Variants in CSMD1 observed in about 807,000 individuals in gnomAD.
The protein encoded by CSMD1 is CUB and Sushi multiple domains 1, also known as CUB and sushi domain-containing protein 1.
CSMD1 carries 213 observed loss-of-function variants against 417.5 expected under a neutral mutation model. The observed-to-expected ratio is 0.51, with a 90% CI of 0.46 to 0.57. CSMD1 has a LOEUF of 0.57. Ranked by LOEUF, CSMD1 falls within the 20% of genes least tolerant of loss-of-function variation. The pLI is 0.00. For missense variants in CSMD1, 6,923 were observed against 4,529.7 expected (o/e 1.53, Z -15.17); for synonymous variants, 2,862 against 1,736.8 (o/e 1.65, Z -16.11).
At chr8:3,313,203 G>C (rs1429158077) in intron 23 of CSMD1, among the ~76,000 whole-genome samples, 1 of 152,136 alleles carries the variant, frequency 6.6e-6, no homozygotes, top group African/African-American at 2.4e-5. Context: ...CAGGACATAG[G>C]CATGGGCAAA....
chr8:3,808,130 C>T (rs1248617122), intron 5 of CSMD1, among the ~76,000 whole-genome samples: 1 of 152,100 alleles, frequency 6.6e-6, no homozygotes, highest in Non-Finnish European at 1.5e-5. Flanking sequence ...AGGAATGCAT[C>T]TCTGTGAAAT....
intron 18 of CSMD1, among the ~76,000 whole-genome samples, chr8:3,370,773 C>T (rs1454551552): frequency 1.3e-5 from 2 of 152,078 alleles, no homozygotes; most frequent in Non-Finnish European, 2.9e-5. Context: ...TCAGGAGTTC[C>T]AGACCAGCCT....
chr8:3,678,350 A>G (rs992189527), intron 7 of CSMD1, among the ~76,000 whole-genome samples: 1 of 152,236 alleles, frequency 6.6e-6, no homozygotes, highest in Non-Finnish European at 1.5e-5. Context: ...AAAGGACCTG[A>G]TGGAGCTGAA....
At chr8:4,380,575 A>G (rs530949290) in intron 3 of CSMD1, among the ~76,000 whole-genome samples, 1 of 152,306 alleles carries the variant, frequency 6.6e-6, no homozygotes, top group African/African-American at 2.4e-5. Context: ...GGACCCGTGG[A>G]TGGAATGAGA....
intron 2 of CSMD1, among the ~76,000 whole-genome samples, chr8:4,536,467 T>A (rs944970941): frequency 1.3e-5 from 2 of 152,140 alleles, no homozygotes; most frequent in Non-Finnish European, 2.9e-5. Context: ...CCTAGGTGCA[T>A]CCTTCTTGTA....
rs151309958 is a variant in CSMD1, at chr8:4,200,661, C to T, written c.416-168562G>A. 1.5e-3 allele frequency among the ~76,000 whole-genome samples: 226 copies of T among 152,130 alleles called. 1 individual carries two copies. The highest frequency in any genetic ancestry group is 5.3e-3 in the African/African-American group (218 of 41,498). Reference sequence around the variant, plus strand: ...TCTTGAGACTAAGAGTTCAAGACCACCCTGGGCAAGGTAGGAAGACCGCAC... The same window carrying T: ...TCTTGAGACTAAGAGTTCAAGACCATCCTGGGCAAGGTAGGAAGACCGCAC... On this transcript the variant is annotated intron_variant, in intron 3 of 69. Transcript: ENST00000635120.
chr8:4,904,143 G>T (rs1044688742), intron 1 of CSMD1, among the ~76,000 whole-genome samples: 2 of 152,146 alleles, frequency 1.3e-5, no homozygotes, highest in Non-Finnish European at 2.9e-5. Context: ...GGAGTCAGAG[G>T]AAGTCAGGGC....
chr8:3,548,357 C>A (rs542084504), intron 10 of CSMD1, among the ~76,000 whole-genome samples: 2 of 152,114 alleles, frequency 1.3e-5, no homozygotes, highest in African/African-American at 4.8e-5. Context: ...TGATCGAGTT[C>A]TTCAGTGGTG....
intron 11 of CSMD1, among the ~76,000 whole-genome samples, chr8:3,481,634 G>A (rs913402655): frequency 4.6e-5 from 7 of 152,310 alleles, no homozygotes; most frequent in Admixed American, 3.3e-4. Flanking sequence ...GAATGATGTA[G>A]GTGGGCCCTA....
intron 3 of CSMD1, among the ~76,000 whole-genome samples, chr8:4,126,271 A>C (rs947346874): frequency 3.9e-5 from 6 of 152,088 alleles, no homozygotes; most frequent in East Asian, 1.9e-4. Context: ...GCTCTGCATG[A>C]ATCACTCTTT....
chr8:3,428,312 G>C (rs1585150518), intron 12 of CSMD1, among the ~76,000 whole-genome samples: 1 of 152,136 alleles, frequency 6.6e-6, no homozygotes, highest in East Asian at 1.9e-4. Flanking sequence ...TCCTTATTCA[G>C]AGACGAATGG....
At chr8:3,954,061 C>T (rs921636291) in intron 5 of CSMD1, among the ~76,000 whole-genome samples, 1 of 152,082 alleles carries the variant, frequency 6.6e-6, no homozygotes. Flanking sequence ...CTCCTGTCCC[C>T]GGGACCCCGC....
intron 26 of CSMD1, among the ~76,000 whole-genome samples, chr8:3,248,436 G>T (rs1483745555): frequency 1.3e-5 from 2 of 151,838 alleles, no homozygotes; most frequent in South Asian, 2.1e-4. Context: ...TAAGGGAAAT[G>T]GCTGGAAGTG....
At chr8:3,954,374 C>CT (rs144083642) in intron 5 of CSMD1, among the ~76,000 whole-genome samples, 7 of 151,620 alleles carry the variant, frequency 4.6e-5, no homozygotes, top group Non-Finnish European at 7.4e-5. Flanking sequence ...ACTTTTTTTT[C>CT]TTTTTTGAGA....
At chr8:3,846,469 C>T (rs1452872012) in intron 5 of CSMD1, among the ~76,000 whole-genome samples, 1 of 152,274 alleles carries the variant, frequency 6.6e-6, no homozygotes, top group East Asian at 1.9e-4. Flanking sequence ...TAACCTTCCT[C>T]TCAGTTTTTT....
At chr8:4,153,867 T>C (rs978263869) in intron 3 of CSMD1, among the ~76,000 whole-genome samples, 2 of 152,242 alleles carry the variant, frequency 1.3e-5, no homozygotes, top group African/African-American at 4.8e-5. Context: ...GTGGCTTTCC[T>C]GACTCATGGC....
chr8:4,939,618 A>C (rs923237207), intron 1 of CSMD1, among the ~76,000 whole-genome samples: 1 of 152,174 alleles, frequency 6.6e-6, no homozygotes, highest in Non-Finnish European at 1.5e-5. Flanking sequence ...CCGAGAGTAG[A>C]ACGGCCATTA....
Position 4,727,930 on chromosome 8 carries a change from T to C in CSMD1, c.86-90372A>G, listed in dbSNP as rs1272628848. 2.2e-5 allele frequency among the ~76,000 whole-genome samples: 3 copies of C among 139,048 alleles called. No individual in the cohort carries two copies. In the East Asian group the frequency reaches 6.1e-4, roughly 28 times the overall value. The allele number at this position is 139,048 out of a possible 152,430, so 91.2% of individuals were successfully genotyped here. ...ATATATATACCAAATACATCTAATATATATATATACAAAATATATATATGT... is the reference window on the plus strand; with the variant it reads ...ATATATATACCAAATACATCTAATACATATATATACAAAATATATATATGT... On this transcript the variant is annotated intron_variant, in intron 1 of 69. Coordinates refer to ENST00000635120, the MANE Select transcript of CSMD1 (RefSeq NM_033225.6).
At chr8:4,148,767 A>G (rs939456740) in intron 3 of CSMD1, among the ~76,000 whole-genome samples, 1 of 151,978 alleles carries the variant, frequency 6.6e-6, no homozygotes, top group Non-Finnish European at 1.5e-5. Context: ...TAATGCCATC[A>G]CCCTGAGTTT....
Sources: allele counts gnomAD v4.1 joint callset (sites outside exome capture counted in the v4.1 genomes callset), GRCh38; gene constraint gnomAD v4.1.1; transcripts MANE v1.5; gene names NCBI Gene and HGNC (gene_info 2026-07-23, HGNC 2026-07-21).